The following CCSER1 variants were observed in gnomAD, a reference collection of about 807,000 sequenced individuals.
The protein encoded by CCSER1 is coiled-coil serine rich protein 1.
CCSER1 carries 41 observed loss-of-function variants against 82.0 expected under a neutral mutation model. That is an observed-to-expected ratio of 0.50 (90% confidence interval 0.39 to 0.65). The LOEUF (loss-of-function observed/expected upper bound fraction) is 0.65. Ranked by LOEUF, CCSER1 falls within the 30% of genes least tolerant of loss-of-function variation. CCSER1 has a pLI of 0.00. For missense variants in CCSER1, 1,119 were observed against 1,064.2 expected (o/e 1.05, Z -0.72); for synonymous variants, 414 against 383.9 (o/e 1.08, Z -0.92).
At chr4:91,540,718 G>A (rs1195367299) in intron 10 of CCSER1, among the ~76,000 whole-genome samples, 1 of 152,100 alleles carries the variant, frequency 6.6e-6, no homozygotes, top group Non-Finnish European at 1.5e-5. Flanking sequence ...GTTGACTTTT[G>A]TGAAGGATGT....
chr4:90,449,604 C>T (rs1761155075), intron 4 of CCSER1, among the ~76,000 whole-genome samples: 1 of 152,216 alleles, frequency 6.6e-6, no homozygotes, highest in Non-Finnish European at 1.5e-5. Context: ...TGCTCATCAG[C>T]TCTGAAAGTC....
intron 10 of CCSER1, among the ~76,000 whole-genome samples, chr4:91,483,270 G>A (rs1429101977): frequency 1.3e-5 from 2 of 152,034 alleles, no homozygotes; most frequent in Non-Finnish European, 2.9e-5. Context: ...CAGCCAAAAG[G>A]GTAAGAATTT....
intron 10 of CCSER1, among the ~76,000 whole-genome samples, chr4:91,354,482 A>G (rs1301756446): frequency 2.0e-5 from 3 of 152,196 alleles, no homozygotes; most frequent in South Asian, 2.1e-4. Flanking sequence ...GGTGGGCCCA[A>G]ATAGTCTGCA....
chr4:91,460,133 G>C (rs927502402), intron 10 of CCSER1, among the ~76,000 whole-genome samples: 6 of 152,152 alleles, frequency 3.9e-5, no homozygotes, highest in Non-Finnish European at 5.9e-5. Flanking sequence ...TCCATGGAGA[G>C]TTGAAAGTAA....
At chr4:91,413,517 AAAAG>A (rs989005512) in intron 10 of CCSER1, among the ~76,000 whole-genome samples, 1 of 152,050 alleles carries the variant, frequency 6.6e-6, no homozygotes, top group Non-Finnish European at 1.5e-5. Flanking sequence ...AAAAAAAACA[AAAAG>A]AATGAAAAAA....
chr4:91,560,631 G>A (rs1235863347), intron 10 of CCSER1, among the ~76,000 whole-genome samples: 1 of 151,308 alleles, frequency 6.6e-6, no homozygotes, highest in Non-Finnish European at 1.5e-5. Flanking sequence ...CAAACACAAT[G>A]TCTGGTAAAG....
intron 7 of CCSER1, among the ~76,000 whole-genome samples, chr4:90,745,776 G>A (rs1203806889): frequency 2.3e-5 from 3 of 129,706 alleles, no homozygotes; most frequent in African/African-American, 5.8e-5. Context: ...TGCAAGCTCC[G>A]CCTCCTGGGC....
At chr4:90,731,366 C>T (rs149526719) in intron 7 of CCSER1, among the ~76,000 whole-genome samples, 42 of 152,110 alleles carry the variant, frequency 2.8e-4, no homozygotes, top group African/African-American at 8.0e-4. Flanking sequence ...AAATGGCAGA[C>T]GATGTTGGTT....
intron 10 of CCSER1, among the ~76,000 whole-genome samples, chr4:91,326,619 C>G (rs1197706025): frequency 1.3e-5 from 2 of 152,124 alleles, no homozygotes; most frequent in African/African-American, 4.8e-5. Flanking sequence ...CACAATCATG[C>G]CTTTCCAGCA....
chr4:90,669,678 G>C (rs1732443342), intron 6 of CCSER1, among the ~76,000 whole-genome samples: 1 of 152,012 alleles, frequency 6.6e-6, no homozygotes, highest in East Asian at 1.9e-4. Context: ...CTAAAGGTTG[G>C]TGTGAATGAA....
intron 5 of CCSER1, among the ~76,000 whole-genome samples, chr4:90,558,020 G>A (rs1778331711): frequency 6.6e-6 from 1 of 152,080 alleles, no homozygotes; most frequent in Admixed American, 6.6e-5. Context: ...TTTGCTGCTA[G>A]GTAACAGATA....
chr4:91,428,322 AAC>A (rs1754106178), intron 10 of CCSER1, among the ~76,000 whole-genome samples: 1 of 152,068 alleles, frequency 6.6e-6, no homozygotes, highest in Admixed American at 6.5e-5. Flanking sequence ...AATTGAGTTA[AAC>A]ACAATTGTCT....
chr4:90,588,764 A>G lies in CCSER1; in HGVS notation c.1725-39261A>G, dbSNP rs187296496. Among the ~76,000 whole-genome samples, 36 of 152,228 alleles carry G rather than the reference A, an allele frequency of 2.4e-4. No individual in the cohort carries two copies. The South Asian group carries it at 5.4e-3, about 23-fold the overall frequency. ...AGTCTCAAGAGCTGATGGTTTTATA[A>G]GAGGTTTCCCCTTTTGCTTGGCTCT... On this transcript the variant is annotated intron_variant, in intron 5 of 10. Coordinates refer to ENST00000509176, the MANE Select transcript of CCSER1 (RefSeq NM_001145065.2).
At chr4:90,449,916 C>T (rs1761210659) in intron 4 of CCSER1, among the ~76,000 whole-genome samples, 1 of 152,186 alleles carries the variant, frequency 6.6e-6, no homozygotes, top group Non-Finnish European at 1.5e-5. Context: ...TTTGCCTGTT[C>T]CTAGCTCCTG....
intron 9 of CCSER1, among the ~76,000 whole-genome samples, chr4:91,084,935 G>A (rs1049355520): frequency 6.6e-6 from 1 of 151,456 alleles, no homozygotes; most frequent in Non-Finnish European, 1.5e-5. Context: ...GTAGCCAAAT[G>A]AAAAAAAAGT....
At chr4:91,124,561 C>T (rs947767141) in intron 10 of CCSER1, among the ~76,000 whole-genome samples, 13 of 151,734 alleles carry the variant, frequency 8.6e-5, no homozygotes, top group Non-Finnish European at 1.9e-4. Flanking sequence ...CTCTGTGTTC[C>T]CAACTCCTCT....
rs762549999 is a variant in CCSER1 at position 90,401,282 on chromosome 4, T to C, written c.1603+1153T>C. The stretch of plus-strand genomic sequence containing the variant: ...GTAGATTTTCACACTTTTATGCAGA[T>C]GGTTTTTACAACTTAGATCCAACAA... On this transcript the variant is annotated intron_variant, in intron 4 of 10. Transcript: ENST00000509176. 2.0e-5 allele frequency among the ~76,000 whole-genome samples: 3 copies of C among 152,332 alleles called. No homozygotes were observed. The South Asian group carries it at 6.2e-4, about 32-fold the overall frequency.
chr4:91,280,944 C>G (rs1447413823), intron 10 of CCSER1, among the ~76,000 whole-genome samples: 1 of 152,092 alleles, frequency 6.6e-6, no homozygotes, highest in East Asian at 1.9e-4. Flanking sequence ...GCTTAGGACT[C>G]AGGGCAAGTG....
chr4:90,557,392 G>T (rs1010079986), intron 5 of CCSER1, among the ~76,000 whole-genome samples: 13 of 152,088 alleles, frequency 8.5e-5, no homozygotes, highest in African/African-American at 2.9e-4. Context: ...ATTAACAGAT[G>T]ATTATGTTCC....
Sources: allele counts gnomAD v4.1 joint callset (sites outside exome capture counted in the v4.1 genomes callset), GRCh38; gene constraint gnomAD v4.1.1; transcripts MANE v1.5; gene names NCBI Gene and HGNC (gene_info 2026-07-23, HGNC 2026-07-21).